UNC5D: variants seen among roughly 807,000 people sequenced by gnomAD.
UNC5D encodes the protein unc-5 netrin receptor D, also known as netrin receptor UNC5D.
Under a neutral mutation model 105.4 loss-of-function variants are expected in UNC5D, and 39 were observed. That is an observed-to-expected ratio of 0.37 (90% CI 0.29 to 0.48). The LOEUF (loss-of-function observed/expected upper bound fraction) is 0.48. Among genes scored for constraint, UNC5D ranks in the 20% least tolerant of loss-of-function variants. The probability of loss-of-function intolerance (pLI) is 0.98; values close to 1 mark genes in which losing one functional copy is unlikely to be tolerated. For synonymous variants in UNC5D, 452 were observed against 450.4 expected (o/e 1.00, Z -0.04); for missense variants, 991 against 1,202.4 (o/e 0.82, Z 2.60).
At chr8:35,426,392 AC>A (rs1806251715) in intron 1 of UNC5D, among the ~76,000 whole-genome samples, 1 of 152,148 alleles carries the variant, frequency 6.6e-6, no homozygotes, top group African/African-American at 2.4e-5. Context: ...TGTAAAAAAA[AC>A]TTCTGTAAAA....
At chr8:35,408,759 T>C (rs1007955089) in intron 1 of UNC5D, among the ~76,000 whole-genome samples, 2 of 150,392 alleles carry the variant, frequency 1.3e-5, no homozygotes, top group East Asian at 3.9e-4. Flanking sequence ...ACATAGAGAT[T>C]AAAAAGAAAA....
At chr8:35,677,546 C>T (rs1342830603) in intron 4 of UNC5D, among the ~76,000 whole-genome samples, 1 of 152,102 alleles carries the variant, frequency 6.6e-6, no homozygotes, top group Non-Finnish European at 1.5e-5. Flanking sequence ...TAAAGTTTCT[C>T]TAAGTGACAA....
chr8:35,253,989 C>T (rs943876335), intron 1 of UNC5D, among the ~76,000 whole-genome samples: 5 of 152,192 alleles, frequency 3.3e-5, no homozygotes, highest in Admixed American at 6.5e-5. Context: ...GTTCCCTTCA[C>T]GTACTCTCTA....
chr8:35,379,585 C>A (rs766845659), intron 1 of UNC5D, among the ~76,000 whole-genome samples: 8 of 152,046 alleles, frequency 5.3e-5, no homozygotes, highest in Non-Finnish European at 1.0e-4. Context: ...TTGCCTGGAC[C>A]GTCCTGCACT....
intron 1 of UNC5D, among the ~76,000 whole-genome samples, chr8:35,430,883 G>A (rs1806587159): frequency 6.6e-6 from 1 of 152,164 alleles, no homozygotes; most frequent in Non-Finnish European, 1.5e-5. Context: ...GCACCTTGGT[G>A]ACAAATACTA....
intron 9 of UNC5D, among the ~76,000 whole-genome samples, chr8:35,722,660 G>T (rs1243196210): frequency 6.6e-6 from 1 of 151,584 alleles, no homozygotes; most frequent in Non-Finnish European, 1.5e-5. Context: ...TCAGCCTAAT[G>T]AGTTATTTTA....
chr8:35,551,047 T>C (rs1200954914), intron 2 of UNC5D, among the ~76,000 whole-genome samples: 1 of 152,140 alleles, frequency 6.6e-6, no homozygotes, highest in Non-Finnish European at 1.5e-5. Context: ...TACTTAGTTT[T>C]ATGGGTATTT....
At chr8:35,435,400 G>T (rs1264497595) in intron 1 of UNC5D, among the ~76,000 whole-genome samples, 2 of 151,970 alleles carry the variant, frequency 1.3e-5, no homozygotes, top group Non-Finnish European at 2.9e-5. Flanking sequence ...GGAGAAAGCT[G>T]GCAAAAGAAT....
At chr8:35,497,337 AT>A (rs1177468634) in intron 1 of UNC5D, among the ~76,000 whole-genome samples, 1 of 152,190 alleles carries the variant, frequency 6.6e-6, no homozygotes, top group East Asian at 1.9e-4. Context: ...TTCCTAGGTT[AT>A]TAGACCTGCT....
At chr8:35,409,807 A>G (rs1351260005) in intron 1 of UNC5D, among the ~76,000 whole-genome samples, 1 of 151,952 alleles carries the variant, frequency 6.6e-6, no homozygotes. Context: ...ATCATCACCA[A>G]ACTTAATATG....
chr8:35,354,857 A>G (rs566268627), intron 1 of UNC5D, among the ~76,000 whole-genome samples: 7 of 152,234 alleles, frequency 4.6e-5, no homozygotes, highest in Admixed American at 3.9e-4. Flanking sequence ...GTCTTCACTC[A>G]CATGTGCAGC....
intron 1 of UNC5D, among the ~76,000 whole-genome samples, chr8:35,422,853 G>A (rs569115285): frequency 3.3e-5 from 5 of 152,284 alleles, no homozygotes; most frequent in African/African-American, 1.2e-4. Context: ...TGTCCTCAAA[G>A]CCCGTGCTCC....
intron 4 of UNC5D, among the ~76,000 whole-genome samples, chr8:35,632,287 T>C (rs1822088552): frequency 6.6e-6 from 1 of 152,234 alleles, no homozygotes; most frequent in Non-Finnish European, 1.5e-5. Context: ...AACTGCATTA[T>C]TTAGAAAATG....
intron 4 of UNC5D, among the ~76,000 whole-genome samples, chr8:35,678,285 G>A (rs12546354): frequency 6.6e-6 from 1 of 152,086 alleles, no homozygotes; most frequent in Non-Finnish European, 1.5e-5. Flanking sequence ...ATCTGCAGTT[G>A]AGATACCTCA....
chr8:35,581,181 C>T (rs968651846), intron 3 of UNC5D, among the ~76,000 whole-genome samples: 2 of 152,124 alleles, frequency 1.3e-5, no homozygotes, highest in African/African-American at 2.4e-5. Context: ...ATCTTCTGTC[C>T]AGATTCCTTC....
chr8:35,316,738 G>A (rs1017131160), intron 1 of UNC5D, among the ~76,000 whole-genome samples: 6 of 151,870 alleles, frequency 4.0e-5, no homozygotes, highest in Non-Finnish European at 8.8e-5. Flanking sequence ...AATTTTTATT[G>A]AGACTGCATT....
chr8:35,498,660 A>G (rs1045359041), intron 1 of UNC5D, among the ~76,000 whole-genome samples: 10 of 152,072 alleles, frequency 6.6e-5, no homozygotes, highest in Admixed American at 6.5e-4. Flanking sequence ...AGCCATATTG[A>G]TACATTTGGA....
chr8:35,580,924 G>A (rs1818438304), intron 3 of UNC5D, among the ~76,000 whole-genome samples: 1 of 152,098 alleles, frequency 6.6e-6, no homozygotes, highest in African/African-American at 2.4e-5. Flanking sequence ...GTGTAGAGAG[G>A]GAATAGGAGT....
At chr8:35,777,824 T>C (rs1016176079) in intron 16 of UNC5D, among the ~76,000 whole-genome samples, 5 of 152,196 alleles carry the variant, frequency 3.3e-5, no homozygotes, top group South Asian at 2.1e-4. Context: ...TAGGATGTTA[T>C]TGGCTCTATC....
Sources: allele counts gnomAD v4.1 joint callset (sites outside exome capture counted in the v4.1 genomes callset), GRCh38; gene constraint gnomAD v4.1.1; transcripts MANE v1.5; gene names NCBI Gene and HGNC (gene_info 2026-07-23, HGNC 2026-07-21).